The following SP4 variants were observed in gnomAD, a reference collection of about 807,000 sequenced individuals.
The protein encoded by SP4 is transcription factor Sp4.
Under a neutral mutation model 72.8 loss-of-function variants are expected in SP4, and 19 were observed. The observed-to-expected ratio is 0.26, with a 90% CI of 0.18 to 0.38. The LOEUF (loss-of-function observed/expected upper bound fraction) is 0.38. Ranked by LOEUF, SP4 falls within the 10% of genes least tolerant of loss-of-function variation. SP4 has a pLI of 1.00. For missense variants in SP4, 1,008 were observed against 926.3 expected (o/e 1.09, Z -1.14); for synonymous variants, 395 against 333.1 (o/e 1.19, Z -2.02).
At chr7:21,436,217 A>G (rs1341927597) in intron 3 of SP4, among the ~76,000 whole-genome samples, 1 of 152,176 alleles carries the variant, frequency 6.6e-6, no homozygotes, top group Non-Finnish European at 1.5e-5. Context: ...AGTTTTAATC[A>G]TCTGCTTTTC....
At chr7:21,465,546 G>C (rs1448629177) in intron 3 of SP4, among the ~76,000 whole-genome samples, 1 of 152,208 alleles carries the variant, frequency 6.6e-6, no homozygotes, top group East Asian at 1.9e-4. Flanking sequence ...TAGCCATTTA[G>C]TAAATTGAGT....
chr7:21,474,858 A>C (rs1447370235), intron 3 of SP4, among the ~76,000 whole-genome samples: 1 of 152,222 alleles, frequency 6.6e-6, no homozygotes, highest in African/African-American at 2.4e-5. Context: ...TATCCTTACT[A>C]AAACAGTGAC....
rs1432734715 is a variant in SP4, at chr7:21,429,856, G to C, written c.691G>C (p.Val231Leu). The C allele has an allele frequency of 1.2e-6, 2 of 1,614,194 alleles. No individual in the cohort carries two copies. The highest frequency in any genetic ancestry group is 4.5e-5 in the East Asian group (2 of 44,882). ...AQNLANQTVP[V>L]QIRPGVSIPL... The stretch of plus-strand genomic sequence containing the variant: ...AAACCTGGCAAATCAGACAGTTCCG[G>C]TCCAAATTAGACCTGGTGTTTCAAT... Residue 231 changes from valine (V) to leucine (L), a missense_variant, in exon 3 of 6, where the codon GTC (valine) becomes CTC (leucine). By Grantham distance (32) the Val-to-Leu change is conservative. Transcript: ENST00000222584.
chr7:21,464,122 C>CTTTTT (rs995083942), intron 3 of SP4, among the ~76,000 whole-genome samples: 6 of 127,330 alleles, frequency 4.7e-5, no homozygotes, highest in Middle Eastern at 4.1e-3. Flanking sequence ...AGGGCGCTCT[C>CTTTTT]TTTTTTTTTT....
At chr7:21,469,259 A>G (rs928851488) in intron 3 of SP4, among the ~76,000 whole-genome samples, 41 of 152,174 alleles carry the variant, frequency 2.7e-4, no homozygotes, top group Non-Finnish European at 4.1e-4. Flanking sequence ...ATTTTTATAT[A>G]GTAAAGTTGT....
Position 21,460,088 on chromosome 7 carries a change from T to G in SP4, c.1679-16991T>G, listed in dbSNP as rs188469698. Among the ~76,000 whole-genome samples, 17 of 149,420 alleles carry G rather than the reference T, an allele frequency of 1.1e-4. No homozygotes were observed. The East Asian group carries it at 2.7e-3, about 24-fold the overall frequency. ...AAACCTGGTAGGCTTGAACTAATTC[T>G]TTGAGAAAAGGAGAGCCCTAACAGG... On this transcript the variant is annotated intron_variant, in intron 3 of 5. Transcript: ENST00000222584.
chr7:21,494,494 G>A (rs190494793), intron 5 of SP4, among the ~76,000 whole-genome samples: 4 of 152,244 alleles, frequency 2.6e-5, no homozygotes, highest in East Asian at 1.9e-4. Flanking sequence ...AGTGAATAAC[G>A]GGATATAAGT....
chr7:21,430,855 C>T lies in SP4; in HGVS notation c.1678+12C>T, dbSNP rs1469885064. On this transcript the variant is annotated intron_variant, in intron 3 of 5. Transcript: ENST00000222584. Reference sequence around the variant, plus strand: ...CACTAGTGTTGCAGGTAAGTTCTGACATCTTTTTAAGTACCTTTTAAATAG... The same window carrying T: ...CACTAGTGTTGCAGGTAAGTTCTGATATCTTTTTAAGTACCTTTTAAATAG... The T allele has an allele frequency of 6.4e-7, 1 of 1,567,030 alleles. No homozygotes were observed. Among genetic ancestry groups the T allele is most frequent in the Non-Finnish European group, 8.7e-7 (1 of 1,148,298 alleles).
intron 5 of SP4, chr7:21,482,490 T>TC (rs1205070920): frequency 4.3e-6 from 1 of 232,298 alleles, no homozygotes; most frequent in Non-Finnish European, 7.1e-6. Context: ...TTTTTTTTTT[T>TC]CTTAACAAAT....
chr7:21,461,641 G>A (rs1197764309), intron 3 of SP4, among the ~76,000 whole-genome samples: 2 of 152,134 alleles, frequency 1.3e-5, no homozygotes, highest in Admixed American at 6.5e-5. Flanking sequence ...ACACCTCCCC[G>A]CAAGCCGAGG....
intron 3 of SP4, among the ~76,000 whole-genome samples, chr7:21,444,194 T>C (rs1443762228): frequency 6.6e-6 from 1 of 152,214 alleles, no homozygotes; most frequent in Non-Finnish European, 1.5e-5. Context: ...CGGCTTGATA[T>C]GTTCCTTAGA....
intron 5 of SP4, 35 bp downstream of exon 5, chr7:21,482,158 T>C: frequency 6.6e-7 from 1 of 1,526,062 alleles, no homozygotes; most frequent in East Asian, 2.3e-5. Context: ...TTTTTACTTA[T>C]TTCTTCAGTT....
intron 3 of SP4, among the ~76,000 whole-genome samples, chr7:21,449,557 A>G (rs1054423009): frequency 2.0e-5 from 3 of 152,232 alleles, no homozygotes; most frequent in Non-Finnish European, 2.9e-5. Context: ...AAATATGTAC[A>G]TATGTTTAAG....
At chr7:21,440,713 G>C (rs760836244) in intron 3 of SP4, among the ~76,000 whole-genome samples, 2 of 152,150 alleles carry the variant, frequency 1.3e-5, no homozygotes, top group Non-Finnish European at 2.9e-5. Context: ...GCTGGGCATA[G>C]TGGTGCATGC....
intron 3 of SP4, among the ~76,000 whole-genome samples, chr7:21,456,453 A>G (rs1030602534): frequency 2.6e-5 from 4 of 152,314 alleles, no homozygotes; most frequent in Admixed American, 2.6e-4. Flanking sequence ...CTGGTAGGGT[A>G]AAAACAAGTA....
chr7:21,448,442 C>T (rs2128397433), intron 3 of SP4, among the ~76,000 whole-genome samples: 1 of 152,276 alleles, frequency 6.6e-6, no homozygotes, highest in South Asian at 2.1e-4. Flanking sequence ...TTTGTTTCTA[C>T]ATGATAATTA....
At chr7:21,477,383 A>G in intron 4 of SP4, 76 bp downstream of exon 4, 3 of 863,274 alleles carry the variant, frequency 3.5e-6, no homozygotes, top group Middle Eastern at 2.2e-4. Context: ...TTGGCTGGGA[A>G]TGATGGTCAC....
intron 5 of SP4, among the ~76,000 whole-genome samples, chr7:21,493,346 C>T (rs1157216973): frequency 1.3e-5 from 2 of 151,786 alleles, no homozygotes; most frequent in Admixed American, 1.3e-4. Flanking sequence ...AAAATATTTC[C>T]AATTAAATGA....
chr7:21,511,326 T>C lies in SP4; in HGVS notation c.*57T>C. 1 of 1,536,420 alleles carries C rather than the reference T, an allele frequency of 6.5e-7. No homozygotes were observed. The highest frequency in any genetic ancestry group is 8.9e-7 in the Non-Finnish European group (1 of 1,128,544). On this transcript the variant is annotated 3_prime_UTR_variant, in exon 6 of 6. Coordinates refer to ENST00000222584, the MANE Select transcript of SP4 (RefSeq NM_003112.5). Reference sequence around the variant, plus strand: ...GCACTTGTTTACACACCTTTGAAAATCTGGAAATGGGCTGGTCAAGTGGAT... The same window carrying C: ...GCACTTGTTTACACACCTTTGAAAACCTGGAAATGGGCTGGTCAAGTGGAT...
Sources: gnomAD v4.1 joint callset for allele counts (sites outside exome capture counted in the v4.1 genomes callset) on GRCh38, gnomAD v4.1.1 for gene constraint, MANE v1.5 for transcripts, NCBI Gene and HGNC (gene_info 2026-07-23, HGNC 2026-07-21) for gene names.